FYN: variants seen among roughly 807,000 people sequenced by gnomAD.
The protein encoded by FYN is tyrosine-protein kinase Fyn.
Under a neutral mutation model 70.2 loss-of-function variants are expected in FYN, and 10 were observed. The ratio of observed to expected loss-of-function variants is 0.14; its 90% CI spans 0.09 to 0.24. The LOEUF is 0.24. Among genes scored for constraint, FYN ranks in the 10% least tolerant of loss-of-function variants. The pLI, the probability that FYN is intolerant of heterozygous loss-of-function variation, is 1.00. For synonymous variants in FYN, 236 were observed against 248.6 expected (o/e 0.95, Z 0.48); for missense variants, 319 against 673.1 (o/e 0.47, Z 5.82).
chr6:111,721,074 T>C (rs1376327055), intron 3 of FYN, among the ~76,000 whole-genome samples: 2 of 152,194 alleles, frequency 1.3e-5, no homozygotes, highest in Admixed American at 6.5e-5. Flanking sequence ...AACATAACCT[T>C]GAACACTTTT....
At chr6:111,674,378 A>C (rs1250140043) in intron 13 of FYN, 121 bp downstream of exon 13, 38 of 1,146,178 alleles carry the variant, frequency 3.3e-5, no homozygotes, top group Non-Finnish European at 4.5e-5. Context: ...CATGTTCTTC[A>C]AACTCAAGCT....
chr6:111,749,540 C>T (rs1303447123), intron 3 of FYN, among the ~76,000 whole-genome samples: 1 of 152,178 alleles, frequency 6.6e-6, no homozygotes. Context: ...CTAAAATATC[C>T]TCCCCTGAGG....
chr6:111,790,907 T>G (rs956986442), intron 2 of FYN, among the ~76,000 whole-genome samples: 3 of 152,190 alleles, frequency 2.0e-5, no homozygotes, highest in African/African-American at 7.2e-5. Context: ...TGAGAGAAAT[T>G]ACAGAAGACC....
chr6:111,780,283 A>G (rs1314351159), intron 3 of FYN, among the ~76,000 whole-genome samples: 1 of 152,232 alleles, frequency 6.6e-6, no homozygotes, highest in Non-Finnish European at 1.5e-5. Flanking sequence ...CTGGCTTAGC[A>G]CATAAACTGC....
chr6:111,826,394 A>T (rs1772836781), intron 2 of FYN, among the ~76,000 whole-genome samples: 2 of 152,216 alleles, frequency 1.3e-5, no homozygotes, highest in Admixed American at 1.3e-4. Flanking sequence ...ATGCACACAC[A>T]TGAATTCTGG....
At chr6:111,687,567 G>C (rs905662619) in intron 12 of FYN, among the ~76,000 whole-genome samples, 30 of 147,578 alleles carry the variant, frequency 2.0e-4, no homozygotes, top group African/African-American at 7.2e-4. Context: ...AAGGAGCCCT[G>C]ATGGGAGCGA....
At chr6:111,735,127 C>T (rs1388894974) in intron 3 of FYN, among the ~76,000 whole-genome samples, 1 of 152,194 alleles carries the variant, frequency 6.6e-6, no homozygotes, top group Non-Finnish European at 1.5e-5. Flanking sequence ...CACCATGATA[C>T]CCTCAAAGAA....
intron 2 of FYN, among the ~76,000 whole-genome samples, chr6:111,846,143 T>C (rs562421160): frequency 6.6e-6 from 1 of 152,284 alleles, no homozygotes; most frequent in East Asian, 1.9e-4. Context: ...AATTCAAAGA[T>C]ACGGCTCAGG....
chr6:111,860,506 G>C (rs1029555407), intron 1 of FYN, among the ~76,000 whole-genome samples: 3 of 152,190 alleles, frequency 2.0e-5, no homozygotes, highest in Non-Finnish European at 4.4e-5. Flanking sequence ...CTCTGTCACA[G>C]CTAGAGATGT....
intron 3 of FYN, among the ~76,000 whole-genome samples, chr6:111,728,435 A>G (rs1801287880): frequency 7.1e-6 from 1 of 141,088 alleles, no homozygotes; most frequent in Non-Finnish European, 1.6e-5. Flanking sequence ...GACCATTTCC[A>G]TTATCTAATT....
At chr6:111,862,651 T>A (rs950774796) in intron 1 of FYN, among the ~76,000 whole-genome samples, 9 of 152,182 alleles carry the variant, frequency 5.9e-5, no homozygotes, top group East Asian at 5.8e-4. Context: ...GAGAACTGGA[T>A]TCTAGTCTAA....
chr6:111,839,214 C>T (rs1023161192), intron 2 of FYN, among the ~76,000 whole-genome samples: 8 of 152,118 alleles, frequency 5.3e-5, no homozygotes, highest in Non-Finnish European at 1.2e-4. Context: ...ATCCAAACTG[C>T]CTTCTGTTTA....
intron 3 of FYN, chr6:111,740,878 GC>G (rs1190060272): frequency 1.3e-5 from 2 of 152,190 alleles, no homozygotes; most frequent in African/African-American, 4.8e-5. Context: ...GGAGGTGGAG[GC>G]AGGTAGATCA....
chr6:111,715,807 C>T (rs1800614593), intron 4 of FYN, among the ~76,000 whole-genome samples: 1 of 152,178 alleles, frequency 6.6e-6, no homozygotes, highest in Non-Finnish European at 1.5e-5. Flanking sequence ...TTCGCAGATT[C>T]CTGACCCACA....
At chr6:111,663,953 CA>C (rs1304614303) in intron 13 of FYN, among the ~76,000 whole-genome samples, 2 of 152,162 alleles carry the variant, frequency 1.3e-5, no homozygotes, top group Non-Finnish European at 2.9e-5. Flanking sequence ...ACAATTCCAC[CA>C]TCCAACGAGC....
At chr6:111,799,983 G>T (rs546491758) in intron 2 of FYN, among the ~76,000 whole-genome samples, 228 of 152,298 alleles carry the variant, frequency 1.5e-3, no homozygotes, top group African/African-American at 5.3e-3. Flanking sequence ...AACCGGCAGG[G>T]TTTATTCCGA....
At chr6:111,682,649 T>C (rs1224099301) in intron 12 of FYN, among the ~76,000 whole-genome samples, 2 of 152,194 alleles carry the variant, frequency 1.3e-5, no homozygotes, top group Non-Finnish European at 2.9e-5. Flanking sequence ...GTGGTCCGAT[T>C]GTGGGCTGAG....
intron 2 of FYN, among the ~76,000 whole-genome samples, chr6:111,828,826 C>T (rs997290677): frequency 6.6e-6 from 1 of 152,154 alleles, no homozygotes; most frequent in African/African-American, 2.4e-5. Flanking sequence ...ACTGGTTGCA[C>T]AGCAATGTGA....
intron 9 of FYN, chr6:111,699,732 T>G: frequency 5.5e-6 from 8 of 1,454,540 alleles, no homozygotes; most frequent in African/African-American, 1.4e-5. Flanking sequence ...ATGCATGCAC[T>G]AGGAAAGATG....
Sources: gnomAD v4.1 joint callset for allele counts (sites outside exome capture counted in the v4.1 genomes callset) on GRCh38, gnomAD v4.1.1 for gene constraint, MANE v1.5 for transcripts, NCBI Gene and HGNC (gene_info 2026-07-23, HGNC 2026-07-21) for gene names.